CENPU: variants seen among roughly 807,000 people sequenced by gnomAD.
CENPU encodes KSHV latent nuclear antigen interacting protein 1.
In CENPU, 46 loss-of-function variants were observed where a neutral mutation model predicts 56.7. The ratio of observed to expected loss-of-function variants is 0.81; its 90% CI spans 0.64 to 1.04. The LOEUF (loss-of-function observed/expected upper bound fraction) is 1.04. Among genes scored for constraint, CENPU ranks in the 50% least tolerant of loss-of-function variants. CENPU has a pLI of 0.00. For missense variants in CENPU, 510 were observed against 490.1 expected, an observed-to-expected ratio of 1.04 and a Z score of -0.38; for synonymous variants, 166 against 163.0, an observed-to-expected ratio of 1.02 and a Z score of -0.14.
intron 11 of CENPU, among the ~76,000 whole-genome samples, chr4:184,700,118 C>T (rs1276860724): frequency 6.6e-6 from 1 of 152,182 alleles, no homozygotes; most frequent in African/African-American, 2.4e-5. Flanking sequence ...AAGCCTCTAG[C>T]TCTCACAACA....
intron 8 of CENPU, among the ~76,000 whole-genome samples, chr4:184,705,094 G>A (rs1760678998): frequency 6.6e-6 from 1 of 152,096 alleles, no homozygotes; most frequent in East Asian, 1.9e-4. Flanking sequence ...AGAAATGGAA[G>A]CTCAGGTTCA....
At chr4:184,729,624 G>T (rs1579799761) in intron 2 of CENPU, among the ~76,000 whole-genome samples, 1 of 152,346 alleles carries the variant, frequency 6.6e-6, no homozygotes, top group Non-Finnish European at 1.5e-5. Context: ...TGGCAGGCTA[G>T]ATTTGGCCCA....
chr4:184,727,852 T>C (rs942562636), intron 3 of CENPU, among the ~76,000 whole-genome samples: 2 of 152,176 alleles, frequency 1.3e-5, no homozygotes, highest in African/African-American at 4.8e-5. Context: ...CGTTACAACA[T>C]GGACAAACCC....
At chr4:184,718,641 T>C (rs1306563848) in intron 4 of CENPU, among the ~76,000 whole-genome samples, 1 of 151,996 alleles carries the variant, frequency 6.6e-6, no homozygotes, top group Non-Finnish European at 1.5e-5. Context: ...CCCCAAACCA[T>C]GGCAGCCACA....
rs1172638401 is a variant in CENPU, at chr4:184,700,823, A to G, written c.983T>C (p.Leu328Pro). 4 of 1,613,524 alleles carry G rather than the reference A, an allele frequency of 2.5e-6. No homozygotes were observed. Among genetic ancestry groups the G allele is most frequent in the Non-Finnish European group, 3.4e-6 (4 of 1,179,396 alleles). Reference protein sequence around the residue: ...QRMIEVQDELLRLEPQLKQLQ... With the variant: ...QRMIEVQDELPRLEPQLKQLQ... ...ACAGGATTTGACAGTATCTTACCGA[A>G]GCAGTTCATCCTGGACTTCAATCAT... The change falls in exon 11 of 13, where the codon CTT (leucine) becomes CCT (proline). Residue 328 changes from leucine to proline, a missense_variant. Leu to Pro is a moderately conservative substitution (Grantham distance 98). Coordinates refer to ENST00000281453, the MANE Select transcript of CENPU (RefSeq NM_024629.4).
intron 6 of CENPU, among the ~76,000 whole-genome samples, chr4:184,714,821 T>C (rs939378325): frequency 6.6e-6 from 1 of 152,106 alleles, no homozygotes; most frequent in Non-Finnish European, 1.5e-5. Flanking sequence ...CAAAAGTCAA[T>C]GGACTTTTAG....
intron 3 of CENPU, 115 bp downstream of exon 3, chr4:184,728,803 T>C (rs1307269106): frequency 1.4e-6 from 1 of 734,402 alleles, no homozygotes. Flanking sequence ...GAGAACATTA[T>C]ATTTACATGC....
intron 8 of CENPU, among the ~76,000 whole-genome samples, chr4:184,708,425 T>A (rs990069883): frequency 6.6e-6 from 1 of 151,458 alleles, no homozygotes; most frequent in Non-Finnish European, 1.5e-5. Flanking sequence ...ATATTTTAAA[T>A]TCTTAGAATT....
chr4:184,710,050 A>G, intron 8 of CENPU, 22 bp downstream of exon 8: 1 of 1,420,146 alleles, frequency 7.0e-7, no homozygotes, highest in South Asian at 1.2e-5. Flanking sequence ...AGGTAAATAT[A>G]GCACATCATC....
chr4:184,731,152 A>G (rs1419458883), intron 1 of CENPU, among the ~76,000 whole-genome samples, 184 bp from the exon 2 acceptor site: 1 of 151,978 alleles, frequency 6.6e-6, no homozygotes, highest in Admixed American at 6.6e-5. Flanking sequence ...TCTCCCCCTC[A>G]GGGACATGGA....
At chr4:184,717,642 T>C (rs1419110325) in intron 4 of CENPU, among the ~76,000 whole-genome samples, 2 of 152,220 alleles carry the variant, frequency 1.3e-5, no homozygotes, top group Admixed American at 6.5e-5. Flanking sequence ...ACAACAAATT[T>C]ATTTAACACC....
intron 4 of CENPU, among the ~76,000 whole-genome samples, chr4:184,721,442 T>C (rs1323132440): frequency 6.0e-5 from 5 of 83,962 alleles, no homozygotes; most frequent in South Asian, 7.5e-4. Context: ...TCAAAAGACA[T>C]AGAGTGGCTG....
rs564565825 is a variant in CENPU, at chr4:184,728,782, A to C, written c.214+136T>G. ...TGAGGAAAATTAATTCAAATTATCA[A>C]GTACTCCCCAGAGAACATTATATTT... On this transcript the variant is annotated intron_variant, in intron 3 of 12. Transcript: ENST00000281453. The C allele has an allele frequency of 7.7e-6, 5 of 649,906 alleles. No individual in the cohort carries two copies. In the Admixed American group the frequency reaches 1.4e-4, roughly 18 times the overall value. The allele number at this position is 649,906 out of a possible 1,614,324, so 40.3% of individuals were successfully genotyped here.
chr4:184,720,949 C>T (rs1004473665), intron 4 of CENPU, among the ~76,000 whole-genome samples: 1 of 152,058 alleles, frequency 6.6e-6, no homozygotes, highest in Non-Finnish European at 1.5e-5. Context: ...GTATAAAACT[C>T]ACTGGTAATA....
chr4:184,730,544 A>G, intron 2 of CENPU, among the ~76,000 whole-genome samples: 1 of 124,560 alleles, frequency 8.0e-6, no homozygotes, highest in Non-Finnish European at 1.7e-5. Flanking sequence ...CATTTATTCT[A>G]AGACTCTAAA....
intron 9 of CENPU, 106 bp from the exon 10 acceptor site, chr4:184,702,242 T>C: frequency 1.6e-6 from 2 of 1,226,590 alleles, no homozygotes; most frequent in Non-Finnish European, 2.4e-6. Context: ...GGAATATGAA[T>C]AGTTCTAATG....
At chr4:184,702,167 C>T (rs2150203367) in intron 9 of CENPU, 31 bp from the exon 10 acceptor site, 1 of 1,534,406 alleles carries the variant, frequency 6.5e-7, no homozygotes, top group Non-Finnish European at 9.0e-7. Context: ...ACATGTACAT[C>T]AGTTTCCAAA....
intron 11 of CENPU, chr4:184,698,033 A>G: frequency 2.3e-6 from 1 of 438,218 alleles, no homozygotes; most frequent in Non-Finnish European, 4.0e-6. Flanking sequence ...TATCCACAGA[A>G]GAATATTCCT....
intron 6 of CENPU, 119 bp from the exon 7 acceptor site, chr4:184,713,132 TG>T (rs1204137804): frequency 1.6e-6 from 1 of 632,240 alleles, no homozygotes; most frequent in African/African-American, 1.9e-5. Flanking sequence ...GGCACATGCC[TG>T]TAATCCCAGC....
Sources: gnomAD v4.1 joint callset for allele counts (sites outside exome capture counted in the v4.1 genomes callset) on GRCh38, gnomAD v4.1.1 for gene constraint, MANE v1.5 for transcripts, NCBI Gene and HGNC (gene_info 2026-07-23, HGNC 2026-07-21) for gene names.